Variants in PID1 observed in about 807,000 individuals in gnomAD.
The protein encoded by PID1 is phosphotyrosine interaction domain containing 1.
PID1 carries 10 observed loss-of-function variants against 19.1 expected under a neutral mutation model. That is an observed-to-expected ratio of 0.52 (90% CI 0.32 to 0.89). PID1 has a LOEUF of 0.89. PID1 is among the 40% of genes least tolerant of loss of function. PID1 has a pLI of 0.03. For missense variants in PID1, 248 were observed against 285.3 expected, an observed-to-expected ratio of 0.87 and a Z score of 0.94; for synonymous variants, 130 against 116.0, an observed-to-expected ratio of 1.12 and a Z score of -0.78.
chr2:229,219,259 T>G (rs1328753601), intron 1 of PID1, among the ~76,000 whole-genome samples: 1 of 152,030 alleles, frequency 6.6e-6, no homozygotes, highest in Admixed American at 6.5e-5. Context: ...GGAAAGAGAT[T>G]TAACTGACTC....
intron 1 of PID1, among the ~76,000 whole-genome samples, chr2:229,241,504 T>C (rs17321741): frequency 1.3e-5 from 2 of 152,150 alleles, no homozygotes; most frequent in Admixed American, 6.5e-5. Flanking sequence ...AGAAATCTGA[T>C]TGTTGCACAA....
At chr2:229,213,949 T>C (rs1191788717) in intron 1 of PID1, among the ~76,000 whole-genome samples, 1 of 152,178 alleles carries the variant, frequency 6.6e-6, no homozygotes, top group African/African-American at 2.4e-5. Context: ...TATTACATCA[T>C]TACACTTTGA....
intron 1 of PID1, among the ~76,000 whole-genome samples, chr2:229,239,732 G>T (rs2106275063): frequency 6.6e-6 from 1 of 152,236 alleles, no homozygotes; most frequent in Admixed American, 6.5e-5. Context: ...TCAAGACATT[G>T]AAATTTTATT....
chr2:229,269,890 T>TCC (rs1690689595), intron 1 of PID1, among the ~76,000 whole-genome samples: 10 of 152,144 alleles, frequency 6.6e-5, no homozygotes, highest in African/African-American at 2.2e-4. Context: ...CCCAGGGAGC[T>TCC]TTGGAAAGGA....
chr2:229,252,456 A>C (rs1280439014), intron 1 of PID1, among the ~76,000 whole-genome samples: 1 of 152,160 alleles, frequency 6.6e-6, no homozygotes, highest in African/African-American at 2.4e-5. Context: ...CATCCTTTCC[A>C]GTGCAGAGCA....
intron 1 of PID1, among the ~76,000 whole-genome samples, chr2:229,199,225 G>C (rs1468206317): frequency 1.3e-5 from 2 of 151,846 alleles, no homozygotes; most frequent in African/African-American, 4.8e-5. Flanking sequence ...CCTTCTCCTG[G>C]GCTGAAACTG....
At chr2:229,243,912 T>A (rs1689937601) in intron 1 of PID1, among the ~76,000 whole-genome samples, 1 of 152,150 alleles carries the variant, frequency 6.6e-6, no homozygotes, top group Admixed American at 6.5e-5. Flanking sequence ...TGCTTTCTTT[T>A]CAGATCATCT....
intron 2 of PID1, among the ~76,000 whole-genome samples, chr2:229,074,902 A>C (rs771464541): frequency 9.2e-5 from 14 of 152,220 alleles, no homozygotes; most frequent in Non-Finnish European, 1.3e-4. Flanking sequence ...CCAATATTAC[A>C]TATTTTTTCT....
chr2:229,193,085 A>G (rs1177745347), intron 1 of PID1, among the ~76,000 whole-genome samples: 3 of 152,164 alleles, frequency 2.0e-5, no homozygotes, highest in African/African-American at 4.8e-5. Flanking sequence ...ATTTTACTCT[A>G]TCTTGTGATT....
chr2:229,188,714 G>A (rs986407826), intron 1 of PID1, among the ~76,000 whole-genome samples: 1 of 143,034 alleles, frequency 7.0e-6, no homozygotes, highest in South Asian at 2.3e-4. Flanking sequence ...ACTCCAGCCT[G>A]GGCAACAAGA....
chr2:229,144,829 T>C (rs1332681068), intron 2 of PID1, among the ~76,000 whole-genome samples: 1 of 152,100 alleles, frequency 6.6e-6, no homozygotes, highest in African/African-American at 2.4e-5. Flanking sequence ...AAATATTTTA[T>C]GTTTAGTTTT....
chr2:229,054,719 T>TGTGTGTGGGG (rs1278875096), intron 2 of PID1, among the ~76,000 whole-genome samples: 1 of 17,984 alleles, frequency 5.6e-5, no homozygotes, highest in African/African-American at 1.3e-4. Context: ...TGTGTGTGTG[T>TGTGTGTGGGG]GGGGGGGGGG....
At chr2:229,198,684 T>C (rs1691429015) in intron 1 of PID1, among the ~76,000 whole-genome samples, 1 of 152,068 alleles carries the variant, frequency 6.6e-6, no homozygotes, top group South Asian at 2.1e-4. Context: ...GGAGACGCCC[T>C]TGATTCCTCT....
intron 2 of PID1, among the ~76,000 whole-genome samples, chr2:229,056,559 TA>T (rs11290872): frequency 0.34 from 50,704 of 150,898 alleles, 8,962 homozygotes; most frequent in Middle Eastern, 0.43. Flanking sequence ...TTTCAAAAAG[TA>T]AAAAAACATA....
At chr2:229,178,919 G>A (rs1285823226) in intron 1 of PID1, among the ~76,000 whole-genome samples, 1 of 152,142 alleles carries the variant, frequency 6.6e-6, no homozygotes, top group Non-Finnish European at 1.5e-5. Flanking sequence ...ACCATGTGAA[G>A]AGCAGAGCTG....
chr2:229,199,629 C>T (rs1404313994), intron 1 of PID1, among the ~76,000 whole-genome samples: 2 of 151,188 alleles, frequency 1.3e-5, no homozygotes, highest in Non-Finnish European at 3.0e-5. Context: ...TTTATGAAAT[C>T]TATAAACTAT....
At chr2:229,046,197 G>A (rs1368870118) in intron 2 of PID1, among the ~76,000 whole-genome samples, 1 of 152,082 alleles carries the variant, frequency 6.6e-6, no homozygotes, top group East Asian at 1.9e-4. Flanking sequence ...TAAACAAGAT[G>A]AAAGAATGCT....
At chr2:229,264,553 C>G (rs7600518) in intron 1 of PID1, among the ~76,000 whole-genome samples, 21,512 of 152,130 alleles carry the variant, frequency 0.14, 1,618 homozygotes, top group Middle Eastern at 0.23. Context: ...TCTTCACCCC[C>G]AACTGTAAAG....
intron 1 of PID1, among the ~76,000 whole-genome samples, chr2:229,257,384 G>A (rs1293786658): frequency 1.3e-5 from 2 of 152,062 alleles, no homozygotes; most frequent in East Asian, 1.9e-4. Flanking sequence ...TTGCCCCTCC[G>A]ACTCTCCTGT....
Sources: gnomAD v4.1 joint callset for allele counts (sites outside exome capture counted in the v4.1 genomes callset) on GRCh38, gnomAD v4.1.1 for gene constraint, MANE v1.5 for transcripts, NCBI Gene and HGNC (gene_info 2026-07-23, HGNC 2026-07-21) for gene names.